The following GPHN variants were observed in gnomAD, a reference collection of about 807,000 sequenced individuals.
GPHN encodes the protein gephyrin.
Under a neutral mutation model 95.5 loss-of-function variants are expected in GPHN, and 17 were observed. That is an observed-to-expected ratio of 0.18 (90% confidence interval 0.12 to 0.27). The LOEUF (loss-of-function observed/expected upper bound fraction) is 0.27. GPHN is among the 10% of genes least tolerant of loss of function. GPHN has a pLI of 1.00. For synonymous variants in GPHN, 320 were observed against 322.5 expected, an observed-to-expected ratio of 0.99 and a Z score of 0.08; for missense variants, 660 against 978.1, an observed-to-expected ratio of 0.67 and a Z score of 4.34.
At chr14:67,522,448 G>A in the GPHN span, among the ~76,000 whole-genome samples, 1 of 152,190 alleles carries the variant, frequency 6.6e-6, no homozygotes, top group African/African-American at 2.4e-5. Context: ...GTTGAGGCGA[G>A]CCTGGTTATG....
intron 1 of GPHN, among the ~76,000 whole-genome samples, chr14:66,539,777 C>T (rs1242021260): frequency 6.6e-6 from 1 of 152,084 alleles, no homozygotes; most frequent in Non-Finnish European, 1.5e-5. Flanking sequence ...AGTTCTCAGT[C>T]TCTGTCCAGA....
At chr14:66,645,321 A>T (rs1319398856) in intron 1 of GPHN, among the ~76,000 whole-genome samples, 1 of 152,164 alleles carries the variant, frequency 6.6e-6, no homozygotes. Context: ...ATTTATCCAG[A>T]TGAGTTTTTC....
At chr14:67,658,602 A>T in the GPHN span, among the ~76,000 whole-genome samples, 2 of 152,220 alleles carry the variant, frequency 1.3e-5, no homozygotes, top group African/African-American at 4.8e-5. Context: ...GTCTCAAAAA[A>T]AATAATAATA....
At chr14:66,922,541 T>C (rs770031914) in intron 6 of GPHN, 125 bp from the exon 7 acceptor site, 1 of 699,192 alleles carries the variant, frequency 1.4e-6, no homozygotes, top group Non-Finnish European at 2.4e-6. Context: ...GTTTTACATA[T>C]GATTGATTCT....
At chr14:66,979,238 T>C (rs1333504170) in intron 9 of GPHN, among the ~76,000 whole-genome samples, 1 of 152,230 alleles carries the variant, frequency 6.6e-6, no homozygotes, top group Non-Finnish European at 1.5e-5. Flanking sequence ...TTTTAAGTTT[T>C]AAAGCCAGGC....
intron 1 of GPHN, among the ~76,000 whole-genome samples, chr14:66,624,504 G>T (rs374969414): frequency 1.2e-3 from 185 of 152,280 alleles, no homozygotes; most frequent in African/African-American, 4.1e-3. Flanking sequence ...TAAGTGAAAA[G>T]CTAATGGTGT....
At chr14:67,199,607 A>G in the GPHN span, 1 of 1,589,556 alleles carries the variant, frequency 6.3e-7, no homozygotes, top group East Asian at 2.2e-5. Context: ...GAAGGACTCC[A>G]AGGGTGAGCG....
intron 5 of GPHN, among the ~76,000 whole-genome samples, chr14:66,888,172 G>A (rs545659894): frequency 1.2e-4 from 19 of 152,112 alleles, no homozygotes; most frequent in African/African-American, 2.6e-4. Flanking sequence ...AGAGAAGAAC[G>A]AGAAAAACAG....
chr14:66,723,119 C>G (rs558661998), intron 2 of GPHN, among the ~76,000 whole-genome samples: 190 of 152,166 alleles, frequency 1.2e-3, no homozygotes, highest in African/African-American at 4.1e-3. Flanking sequence ...GTGGCACAAT[C>G]GTAGATCACT....
At chr14:66,661,445 CTCT>C (rs897368325) in intron 1 of GPHN, among the ~76,000 whole-genome samples, 2 of 152,052 alleles carry the variant, frequency 1.3e-5, no homozygotes, top group African/African-American at 4.8e-5. Context: ...AATCCAAATC[CTCT>C]TCTTGGGTGT....
At chr14:67,405,947 A>G in the GPHN span, among the ~76,000 whole-genome samples, 4 of 152,164 alleles carry the variant, frequency 2.6e-5, no homozygotes, top group Non-Finnish European at 5.9e-5. Context: ...AAACAGTGAG[A>G]TGACAAATCT....
chr14:67,206,824 A>G, the GPHN span, among the ~76,000 whole-genome samples: 1 of 151,670 alleles, frequency 6.6e-6, no homozygotes, highest in Non-Finnish European at 1.5e-5. Flanking sequence ...TCCACCTCTC[A>G]GGTTCAAGCG....
intron 2 of GPHN, among the ~76,000 whole-genome samples, chr14:66,724,864 A>G (rs189588662): frequency 6.6e-6 from 1 of 152,314 alleles, no homozygotes. Flanking sequence ...AATACCCTGA[A>G]CGTAGAGAAA....
At chr14:66,848,101 C>CT in intron 4 of GPHN, among the ~76,000 whole-genome samples, 1 of 152,148 alleles carries the variant, frequency 6.6e-6, no homozygotes, top group South Asian at 2.1e-4. Context: ...CACCACCAGA[C>CT]TTTTTGTATT....
intron 1 of GPHN, among the ~76,000 whole-genome samples, chr14:66,581,205 T>C (rs2061152917): frequency 1.4e-5 from 2 of 148,026 alleles, no homozygotes; most frequent in Non-Finnish European, 3.0e-5. Context: ...AACGTCATAC[T>C]CAACAGTAGG....
chr14:67,342,033 G>A, the GPHN span, among the ~76,000 whole-genome samples: 1 of 151,752 alleles, frequency 6.6e-6, no homozygotes, highest in South Asian at 2.1e-4. Flanking sequence ...AAGTACCCAC[G>A]GACACAAACA....
At chr14:67,708,051 G>T in the GPHN span, among the ~76,000 whole-genome samples, 6 of 152,144 alleles carry the variant, frequency 3.9e-5, no homozygotes, top group African/African-American at 1.4e-4. Context: ...CTGCACTTAC[G>T]TAAATAGCTG....
At chr14:67,031,777 G>A (rs1423739483) in intron 10 of GPHN, among the ~76,000 whole-genome samples, 1 of 150,872 alleles carries the variant, frequency 6.6e-6, no homozygotes, top group Admixed American at 6.6e-5. Flanking sequence ...AGTACTATTC[G>A]CTATTCAATT....
At chr14:67,550,663 T>C in the GPHN span, among the ~76,000 whole-genome samples, 1 of 152,040 alleles carries the variant, frequency 6.6e-6, no homozygotes. Flanking sequence ...AAATAGAAAA[T>C]ATAATGCTAG....
Sources: gnomAD v4.1 joint callset for allele counts (sites outside exome capture counted in the v4.1 genomes callset) on GRCh38, gnomAD v4.1.1 for gene constraint, MANE v1.5 for transcripts, NCBI Gene and HGNC (gene_info 2026-07-23, HGNC 2026-07-21) for gene names.